The following OR4N2 variants were observed in gnomAD, a reference collection of about 807,000 sequenced individuals.
OR4N2 encodes olfactory receptor 4N2.
For missense variants in OR4N2, 307 were observed against 377.6 expected (o/e 0.81, Z 1.55); for synonymous variants, 141 against 140.4 (o/e 1.00, Z -0.03).
intron 1 of OR4N2, among the ~76,000 whole-genome samples, chr14:19,808,483 T>C (rs1879219929): frequency 6.6e-6 from 1 of 152,086 alleles, no homozygotes. Context: ...CCATTTACAA[T>C]AGCAACAAAG....
intron 1 of OR4N2, among the ~76,000 whole-genome samples, chr14:19,808,911 C>T (rs1158062359): frequency 1.3e-5 from 2 of 152,044 alleles, no homozygotes; most frequent in African/African-American, 2.4e-5. Context: ...GCTACTGGTA[C>T]AGAAACAGAC....
chr14:19,809,152 C>CAA (rs368220229), intron 1 of OR4N2, among the ~76,000 whole-genome samples: 1,785 of 138,198 alleles, frequency 0.013, 3 homozygotes, highest in Middle Eastern at 0.036. Context: ...TAGCCAGATA[C>CAA]AAAAAAAAAA....
At chr14:19,820,580 A>G (rs558606431) in intron 1 of OR4N2, among the ~76,000 whole-genome samples, 4 of 152,314 alleles carry the variant, frequency 2.6e-5, no homozygotes, top group Admixed American at 6.5e-5. Flanking sequence ...ACTTTTATCT[A>G]TAAGCCCCTG....
At chr14:19,824,462 A>G (rs2138480248) in intron 1 of OR4N2, among the ~76,000 whole-genome samples, 1 of 152,356 alleles carries the variant, frequency 6.6e-6, no homozygotes, top group Admixed American at 6.5e-5. Flanking sequence ...CAAATGTCTC[A>G]GGGATATTGT....
intron 1 of OR4N2, among the ~76,000 whole-genome samples, chr14:19,819,519 G>A (rs1161760198): frequency 2.0e-5 from 3 of 152,240 alleles, no homozygotes; most frequent in Admixed American, 6.5e-5. Flanking sequence ...TTCTTGTGCT[G>A]TGTTTTTCAG....
chr14:19,826,637 A>G (rs1170598733), intron 1 of OR4N2, among the ~76,000 whole-genome samples: 2 of 152,262 alleles, frequency 1.3e-5, no homozygotes, highest in Non-Finnish European at 2.9e-5. Context: ...ATATTGTAGC[A>G]TATTGTTTGT....
intron 1 of OR4N2, among the ~76,000 whole-genome samples, chr14:19,809,930 T>A (rs1006004185): frequency 6.6e-6 from 1 of 152,178 alleles, no homozygotes. Context: ...CATTCTCAAA[T>A]AGGCCCTGGC....
At chr14:19,827,190 A>C (rs11157206) in intron 1 of OR4N2, among the ~76,000 whole-genome samples, 45,120 of 148,814 alleles carry the variant, frequency 0.3, 3,879 homozygotes, top group African/African-American at 0.4. Context: ...CTAACATGGA[A>C]AATGATTCTG....
intron 1 of OR4N2, among the ~76,000 whole-genome samples, chr14:19,813,867 C>T (rs1224913503): frequency 7.2e-6 from 1 of 139,738 alleles, no homozygotes; most frequent in Non-Finnish European, 1.5e-5. Context: ...AGTCATACAA[C>T]TATCTTTCCA....
intron 1 of OR4N2, among the ~76,000 whole-genome samples, chr14:19,810,819 C>T (rs1780884): frequency 0.069 from 10,420 of 150,014 alleles, 76 homozygotes; most frequent in East Asian, 0.18. Context: ...AAGAGAAACA[C>T]ACAAACTACC....
chr14:19,806,514 A>G (rs1879169388), intron 1 of OR4N2, among the ~76,000 whole-genome samples: 1 of 152,222 alleles, frequency 6.6e-6, no homozygotes, highest in Non-Finnish European at 1.5e-5. Context: ...CAATTCAACA[A>G]GAAGACTTTA....
Position 19,828,303 on chromosome 14 carries a change from C to G in OR4N2, c.855C>G (p.Val285=). ...HTVIFPLLNP[V]IYTLRNQEVK... The stretch of plus-strand genomic sequence containing the variant: ...TGATTTTTCCTTTGTTGAATCCTGT[C>G]ATTTATACCCTTCGCAACCAGGAAG... Residue 285 remains valine (V), a synonymous_variant, in exon 2 of 2, where the codon GTC becomes GTG. Coordinates refer to ENST00000557677, the MANE Select transcript of OR4N2 (RefSeq NM_001004723.3). 1.2e-6 allele frequency: 2 copies of G among 1,613,848 alleles called. No homozygotes were observed. Among genetic ancestry groups the G allele is most frequent in the East Asian group, 2.2e-5 (1 of 44,876 alleles).
chr14:19,823,571 A>ATTAGC (rs1277967281), intron 1 of OR4N2, among the ~76,000 whole-genome samples: 1 of 152,262 alleles, frequency 6.6e-6, no homozygotes, highest in Non-Finnish European at 1.5e-5. Context: ...TTTTAGATGT[A>ATTAGC]TTAGCAAGAC....
intron 1 of OR4N2, among the ~76,000 whole-genome samples, chr14:19,817,202 T>C (rs1879448333): frequency 6.6e-6 from 1 of 152,234 alleles, no homozygotes; most frequent in Non-Finnish European, 1.5e-5. Context: ...GATGCTGGCC[T>C]CATAAAATGA....
At chr14:19,824,898 T>G (rs1879653177) in intron 1 of OR4N2, among the ~76,000 whole-genome samples, 1 of 152,276 alleles carries the variant, frequency 6.6e-6, no homozygotes, top group Non-Finnish European at 1.5e-5. Context: ...AGCTAAGTTT[T>G]TAGGGAATCA....
rs887116488 is a variant in OR4N2 at position 19,809,896 on chromosome 14, C to T, written c.-10+6052C>T. Among the ~76,000 whole-genome samples, 5 of 152,240 alleles carry T rather than the reference C, an allele frequency of 3.3e-5. No homozygotes were observed. In the South Asian group the frequency reaches 1.0e-3, roughly 32 times the overall value. ...ATGTAAAACCCCAAACTGTAAAAAC[C>T]CCAGAAGATAACCTAGGAAATTCCA... On this transcript the variant is annotated intron_variant, in intron 1 of 1. Transcript: ENST00000557677.
intron 1 of OR4N2, among the ~76,000 whole-genome samples, chr14:19,822,659 A>G (rs1304762693): frequency 1.3e-5 from 2 of 152,250 alleles, no homozygotes; most frequent in African/African-American, 4.8e-5. Context: ...ACTCAAAGAC[A>G]TTGACAAAAG....
intron 1 of OR4N2, among the ~76,000 whole-genome samples, chr14:19,813,909 T>C (rs1269316686): frequency 1.6e-4 from 24 of 151,244 alleles, no homozygotes; most frequent in African/African-American, 5.4e-4. Flanking sequence ...TTTTCCCTTT[T>C]CTCTTGATCT....
chr14:19,815,655 G>GTTTTTTTTTTTTT (rs59019427), intron 1 of OR4N2, among the ~76,000 whole-genome samples: 48 of 138,406 alleles, frequency 3.5e-4, no homozygotes, highest in South Asian at 6.8e-4. Context: ...GTTTTTTTTT[G>GTTTTTTTTTTTTT]TTTTTTTTTT....
Sources: allele counts gnomAD v4.1 joint callset (sites outside exome capture counted in the v4.1 genomes callset), GRCh38; gene constraint gnomAD v4.1.1; transcripts MANE v1.5; gene names NCBI Gene and HGNC (gene_info 2026-07-23, HGNC 2026-07-21).